The following CNTN5 variants were observed in gnomAD, a reference collection of about 807,000 sequenced individuals.
The protein encoded by CNTN5 is contactin 5, also known as contactin-5.
A neutral mutation model predicts 129.1 loss-of-function variants in CNTN5; 77 were observed. The ratio of observed to expected loss-of-function variants is 0.60; its 90% CI spans 0.50 to 0.72. The LOEUF (loss-of-function observed/expected upper bound fraction) is 0.72, where lower values mean the gene tolerates loss of function less well. Ranked by LOEUF, CNTN5 falls within the 30% of genes least tolerant of loss-of-function variation. CNTN5 has a pLI of 0.00. For missense variants in CNTN5, 1,478 were observed against 1,328.8 expected (o/e 1.11, Z -1.75); for synonymous variants, 509 against 465.6 (o/e 1.09, Z -1.20).
intron 6 of CNTN5, among the ~76,000 whole-genome samples, chr11:99,846,486 C>A (rs1447612982): frequency 6.7e-6 from 1 of 149,888 alleles, no homozygotes; most frequent in Non-Finnish European, 1.5e-5. Flanking sequence ...ATAGGTAAAA[C>A]CTTTTATTAT....
chr11:99,861,708 C>T (rs571266779), intron 6 of CNTN5, among the ~76,000 whole-genome samples: 10 of 152,202 alleles, frequency 6.6e-5, no homozygotes, highest in Admixed American at 2.0e-4. Context: ...GTAATGAAGT[C>T]GCAGTAATGT....
At position 100,070,315 on chromosome 11, in the gene CNTN5, G is replaced by C. The variant is rs531668637; in HGVS notation, c.1163-109G>C. 41 of 1,151,772 alleles carry C rather than the reference G, an allele frequency of 3.6e-5. 1 individual carries two copies. In the South Asian group the frequency reaches 5.8e-4, roughly 16 times the overall value. The allele number at this position is 1,151,772 out of a possible 1,614,324, so 71.3% of individuals were successfully genotyped here. A position where few individuals can be genotyped will look rare whatever the true frequency, so the allele number is the denominator to read the frequency against. ...GTGCTTCTTCAAAATACCTATGGTT[G>C]AATGAATTGCTTTTAAAAAAATACG... On this transcript the variant is annotated intron_variant, in intron 10 of 24. Transcript: ENST00000524871.
intron 1 of CNTN5, among the ~76,000 whole-genome samples, chr11:99,280,505 A>G (rs1020418010): frequency 2.0e-5 from 3 of 151,802 alleles, no homozygotes; most frequent in African/African-American, 7.2e-5. Flanking sequence ...ACTAGAAAAA[A>G]ATTCAATTGC....
chr11:99,166,809 C>T (rs10892834), intron 1 of CNTN5, among the ~76,000 whole-genome samples: 65,088 of 149,778 alleles, frequency 0.43, 14,933 homozygotes, highest in East Asian at 0.81. Context: ...CATGGTGACC[C>T]GTAAGCCCCA....
chr11:100,031,274 G>A (rs1565805303), intron 9 of CNTN5, among the ~76,000 whole-genome samples: 1 of 152,190 alleles, frequency 6.6e-6, no homozygotes, highest in African/African-American at 2.4e-5. Flanking sequence ...TTGCATGTGG[G>A]ATTGTGTAAA....
At chr11:99,232,693 G>A (rs944782647) in intron 1 of CNTN5, among the ~76,000 whole-genome samples, 3 of 152,080 alleles carry the variant, frequency 2.0e-5, no homozygotes, top group African/African-American at 7.2e-5. Flanking sequence ...TTAAGTTAAT[G>A]AGGGATATAA....
chr11:99,990,229 T>C (rs988169191), intron 8 of CNTN5, among the ~76,000 whole-genome samples: 3 of 152,148 alleles, frequency 2.0e-5, no homozygotes, highest in Non-Finnish European at 4.4e-5. Flanking sequence ...CTCTAAATCA[T>C]AGTGGCAAGA....
At chr11:100,264,877 C>A (rs1178808464) in intron 17 of CNTN5, among the ~76,000 whole-genome samples, 1 of 152,172 alleles carries the variant, frequency 6.6e-6, no homozygotes, top group Non-Finnish European at 1.5e-5. Context: ...TATTTCTCCA[C>A]AGCCTCACCA....
chr11:100,047,426 T>A (rs935275614), intron 9 of CNTN5, among the ~76,000 whole-genome samples: 1 of 151,854 alleles, frequency 6.6e-6, no homozygotes, highest in Non-Finnish European at 1.5e-5. Flanking sequence ...CAGAAAAAAA[T>A]TTGCCAATGA....
intron 6 of CNTN5, among the ~76,000 whole-genome samples, chr11:99,888,185 G>T (rs1948950039): frequency 6.6e-6 from 1 of 152,060 alleles, no homozygotes; most frequent in Non-Finnish European, 1.5e-5. Context: ...ATCGTTCCAT[G>T]CACTTATCTG....
intron 1 of CNTN5, among the ~76,000 whole-genome samples, chr11:99,324,734 C>T (rs776849390): frequency 3.9e-5 from 6 of 152,078 alleles, no homozygotes; most frequent in South Asian, 2.1e-4. Context: ...CTCCACCTCC[C>T]GGGTTCACAC....
rs17093172 is a variant in CNTN5 at position 99,627,359 on chromosome 11, T to G, written c.55+71090T>G. Among the ~76,000 whole-genome samples, 604 of 152,284 alleles carry G rather than the reference T, an allele frequency of 4.0e-3. 5 individuals are homozygous for G. Among genetic ancestry groups the G allele is most frequent in the African/African-American group, 0.013 (545 of 41,570 alleles). ...TTAATGAAAATTTGACTGATACAAC[T>G]TCTGTTACAAAAACTATTCTTACCA... is the stretch of plus-strand genomic sequence containing the variant. On this transcript the variant is annotated intron_variant, in intron 3 of 24. Transcript: ENST00000524871.
At chr11:99,839,204 G>A (rs1053217846) in intron 4 of CNTN5, among the ~76,000 whole-genome samples, 3 of 152,074 alleles carry the variant, frequency 2.0e-5, no homozygotes, top group Admixed American at 6.6e-5. Context: ...AGAAATATCC[G>A]ACAATTGCCT....
At chr11:99,427,553 T>C (rs1001224228) in intron 2 of CNTN5, among the ~76,000 whole-genome samples, 1 of 151,688 alleles carries the variant, frequency 6.6e-6, no homozygotes, top group Admixed American at 6.6e-5. Flanking sequence ...GATCATGAGG[T>C]CAGGAGATTG....
intron 18 of CNTN5, among the ~76,000 whole-genome samples, chr11:100,287,252 G>A (rs929196610): frequency 6.6e-6 from 1 of 152,248 alleles, no homozygotes; most frequent in East Asian, 1.9e-4. Context: ...AGGAAATACA[G>A]AGAATGCCAT....
chr11:100,273,935 G>C (rs980797778), intron 18 of CNTN5, among the ~76,000 whole-genome samples: 1 of 152,094 alleles, frequency 6.6e-6, no homozygotes, highest in African/African-American at 2.4e-5. Context: ...GCAAAAAGAA[G>C]AAAGCTGGAG....
At chr11:99,888,120 C>T (rs1047703479) in intron 6 of CNTN5, among the ~76,000 whole-genome samples, 9 of 152,132 alleles carry the variant, frequency 5.9e-5, no homozygotes, top group African/African-American at 2.2e-4. Context: ...GTATATAGCA[C>T]TGAACACAGT....
At chr11:99,320,459 C>A (rs528129250) in intron 1 of CNTN5, among the ~76,000 whole-genome samples, 1 of 152,150 alleles carries the variant, frequency 6.6e-6, no homozygotes, top group East Asian at 1.9e-4. Context: ...AAAAAAGAGA[C>A]ATAAATTTGG....
At chr11:100,288,755 A>G (rs544398243) in intron 18 of CNTN5, among the ~76,000 whole-genome samples, 6 of 151,932 alleles carry the variant, frequency 3.9e-5, no homozygotes, top group African/African-American at 1.4e-4. Context: ...AAATAACTAA[A>G]ATCAGAGCAG....
Sources: gnomAD v4.1 joint callset for allele counts (sites outside exome capture counted in the v4.1 genomes callset) on GRCh38, gnomAD v4.1.1 for gene constraint, MANE v1.5 for transcripts, NCBI Gene and HGNC (gene_info 2026-07-23, HGNC 2026-07-21) for gene names.